The following PRR16 variants were observed in gnomAD, a reference collection of about 807,000 sequenced individuals.
PRR16 encodes the protein proline rich 16, also known as protein Largen.
A neutral mutation model predicts 18.2 loss-of-function variants in PRR16; 6 were observed. The ratio of observed to expected loss-of-function variants is 0.33; its 90% CI spans 0.18 to 0.65. The LOEUF (loss-of-function observed/expected upper bound fraction) is 0.65, where lower values mean the gene tolerates loss of function less well. Ranked by LOEUF, PRR16 falls within the 30% of genes least tolerant of loss-of-function variation. PRR16 has a pLI of 0.74. For missense variants in PRR16, 412 were observed against 376.6 expected (o/e 1.09, Z -0.78); for synonymous variants, 151 against 147.8 (o/e 1.02, Z -0.16).
chr5:120,569,403 C>T lies in PRR16; in HGVS notation c.159+104758C>T, dbSNP rs1055828530. The stretch of plus-strand genomic sequence containing the variant: ...TGCAGTGATGGGGTCTCAGGGTTTT[C>T]CCCTCAAAACAGAATCTGTATACTT... On this transcript the variant is annotated intron_variant, in intron 1 of 1. Transcript: ENST00000407149. 5.9e-5 allele frequency among the ~76,000 whole-genome samples: 9 copies of T among 152,028 alleles called. No homozygotes were observed. The South Asian group carries it at 1.9e-3, about 32-fold the overall frequency.
At chr5:120,579,206 G>C (rs1386044914) in intron 1 of PRR16, among the ~76,000 whole-genome samples, 2 of 152,058 alleles carry the variant, frequency 1.3e-5, no homozygotes, top group African/African-American at 4.8e-5. Flanking sequence ...TAGGTTGCTT[G>C]TTCACTCTGA....
At chr5:120,514,178 C>G (rs566323908) in intron 1 of PRR16, among the ~76,000 whole-genome samples, 1 of 152,158 alleles carries the variant, frequency 6.6e-6, no homozygotes, top group East Asian at 1.9e-4. Context: ...CCATTTTTAG[C>G]CTAATGATTT....
intron 1 of PRR16, among the ~76,000 whole-genome samples, chr5:120,510,173 A>G (rs1750785060): frequency 6.6e-6 from 1 of 152,180 alleles, no homozygotes; most frequent in Admixed American, 6.6e-5. Flanking sequence ...ACTCTGACTT[A>G]GTGTTAATTT....
intron 1 of PRR16, among the ~76,000 whole-genome samples, chr5:120,622,085 A>G (rs564118614): frequency 5.3e-5 from 8 of 152,172 alleles, no homozygotes; most frequent in East Asian, 1.9e-4. Flanking sequence ...ATGTCTGACA[A>G]TACTACCTGT....
the PRR16 span, among the ~76,000 whole-genome samples, chr5:120,731,255 A>G: frequency 4.6e-5 from 7 of 152,302 alleles, no homozygotes; most frequent in Non-Finnish European, 7.4e-5. Flanking sequence ...AAAATATGTA[A>G]TTCTGGAATA....
chr5:120,470,380 T>C (rs1749229760), intron 1 of PRR16, among the ~76,000 whole-genome samples: 1 of 152,140 alleles, frequency 6.6e-6, no homozygotes, highest in South Asian at 2.1e-4. Flanking sequence ...AAAACAAAAA[T>C]TATCTTTAGT....
the PRR16 span, among the ~76,000 whole-genome samples, chr5:120,725,308 T>G: frequency 1.3e-5 from 2 of 151,604 alleles, no homozygotes; most frequent in African/African-American, 4.8e-5. Flanking sequence ...TGTTGTTTTT[T>G]TTTTTTTTTT....
intron 1 of PRR16, among the ~76,000 whole-genome samples, chr5:120,639,328 C>G (rs1050189997): frequency 6.6e-6 from 1 of 151,986 alleles, no homozygotes; most frequent in South Asian, 2.1e-4. Context: ...AAATAATGTT[C>G]TAACTGAATA....
intron 1 of PRR16, among the ~76,000 whole-genome samples, chr5:120,488,318 A>G (rs1410205629): frequency 6.6e-6 from 1 of 152,016 alleles, no homozygotes; most frequent in Non-Finnish European, 1.5e-5. Context: ...TATTATCTCA[A>G]TTTCAGAGCT....
intron 1 of PRR16, among the ~76,000 whole-genome samples, chr5:120,543,374 T>C (rs1751976330): frequency 2.0e-5 from 3 of 152,172 alleles, no homozygotes; most frequent in Admixed American, 2.0e-4. Flanking sequence ...AGCCTGGTGT[T>C]GACTTTTATC....
At chr5:120,634,718 C>T (rs1755170741) in intron 1 of PRR16, among the ~76,000 whole-genome samples, 1 of 151,912 alleles carries the variant, frequency 6.6e-6, no homozygotes, top group Non-Finnish European at 1.5e-5. Flanking sequence ...GAAACAAGAA[C>T]AATCCAAACC....
intron 1 of PRR16, among the ~76,000 whole-genome samples, chr5:120,512,311 G>C (rs1252517007): frequency 6.6e-6 from 1 of 152,050 alleles, no homozygotes; most frequent in Non-Finnish European, 1.5e-5. Context: ...GGCTCCAGGC[G>C]ACCAAATCCC....
chr5:120,779,104 T>G, the PRR16 span, among the ~76,000 whole-genome samples: 2 of 152,090 alleles, frequency 1.3e-5, no homozygotes, highest in Non-Finnish European at 2.9e-5. Flanking sequence ...ATGCACACGT[T>G]AACATTAGAT....
At chr5:120,623,711 C>T (rs189636837) in intron 1 of PRR16, among the ~76,000 whole-genome samples, 3 of 152,080 alleles carry the variant, frequency 2.0e-5, no homozygotes, top group Non-Finnish European at 2.9e-5. Flanking sequence ...CATTAATTTG[C>T]CATGGATTCA....
intron 1 of PRR16, among the ~76,000 whole-genome samples, chr5:120,664,123 A>C (rs1756274425): frequency 6.6e-6 from 1 of 151,966 alleles, no homozygotes; most frequent in Non-Finnish European, 1.5e-5. Context: ...ACATGATGAA[A>C]CCCTGTCTTT....
At chr5:120,751,053 ACTTG>A in the PRR16 span, among the ~76,000 whole-genome samples, 1 of 152,054 alleles carries the variant, frequency 6.6e-6, no homozygotes, top group African/African-American at 2.4e-5. Context: ...TCTTTCTGTG[ACTTG>A]CTTCTTTCAC....
At chr5:120,569,626 G>A (rs1752842309) in intron 1 of PRR16, among the ~76,000 whole-genome samples, 1 of 152,084 alleles carries the variant, frequency 6.6e-6, no homozygotes, top group East Asian at 1.9e-4. Context: ...TCTTTTAAGA[G>A]ATGATAAGAA....
chr5:120,530,464 C>T (rs1751515861), intron 1 of PRR16, among the ~76,000 whole-genome samples: 1 of 151,296 alleles, frequency 6.6e-6, no homozygotes, highest in South Asian at 2.1e-4. Flanking sequence ...CATTCACTTT[C>T]TTTCATTATA....
intron 1 of PRR16, among the ~76,000 whole-genome samples, chr5:120,658,567 T>C (rs558420065): frequency 1.7e-4 from 26 of 152,084 alleles, no homozygotes; most frequent in African/African-American, 6.3e-4. Flanking sequence ...CTAATCTCTT[T>C]CTGATCCTGT....
Sources: gnomAD v4.1 joint callset for allele counts (sites outside exome capture counted in the v4.1 genomes callset) on GRCh38, gnomAD v4.1.1 for gene constraint, MANE v1.5 for transcripts, NCBI Gene and HGNC (gene_info 2026-07-23, HGNC 2026-07-21) for gene names.